The following OPCML variants were observed in gnomAD, a reference collection of about 807,000 sequenced individuals.
OPCML encodes the protein opioid-binding protein/cell adhesion molecule.
OPCML carries 13 observed loss-of-function variants against 37.8 expected under a neutral mutation model. That is an observed-to-expected ratio of 0.34 (90% CI 0.22 to 0.55). OPCML has a LOEUF of 0.55. OPCML is among the 20% of genes least tolerant of loss of function. OPCML has a pLI of 0.91. For synonymous variants in OPCML, 176 were observed against 168.8 expected (o/e 1.04, Z -0.33); for missense variants, 341 against 435.6 (o/e 0.78, Z 1.93).
intron 1 of OPCML, among the ~76,000 whole-genome samples, chr11:133,033,361 C>T (rs964029495): frequency 1.3e-5 from 2 of 152,182 alleles, no homozygotes; most frequent in Admixed American, 1.3e-4. Flanking sequence ...GGGGTGGGGC[C>T]ATATTCAAGA....
chr11:133,479,110 C>G (rs960428513), intron 1 of OPCML, among the ~76,000 whole-genome samples: 4 of 152,218 alleles, frequency 2.6e-5, no homozygotes, highest in Admixed American at 1.3e-4. Flanking sequence ...TCTTGGCCCA[C>G]AGCAAGCGCT....
intron 4 of OPCML, among the ~76,000 whole-genome samples, chr11:132,461,386 G>A (rs1157747398): frequency 6.6e-6 from 1 of 152,084 alleles, no homozygotes; most frequent in Non-Finnish European, 1.5e-5. Context: ...GACTGGGTTC[G>A]AGCAGGTTCT....
At chr11:132,666,121 G>A (rs1232212226) in intron 2 of OPCML, among the ~76,000 whole-genome samples, 2 of 152,170 alleles carry the variant, frequency 1.3e-5, no homozygotes, top group South Asian at 2.1e-4. Context: ...AGCTGAATTA[G>A]GATGGTGTCT....
chr11:132,793,209 C>T (rs1394218015), intron 2 of OPCML, among the ~76,000 whole-genome samples: 2 of 152,112 alleles, frequency 1.3e-5, no homozygotes, highest in Non-Finnish European at 2.9e-5. Flanking sequence ...CTGCCCTTCC[C>T]GGGACCCCCA....
At chr11:133,326,422 C>A (rs1408048756) in intron 1 of OPCML, among the ~76,000 whole-genome samples, 3 of 105,014 alleles carry the variant, frequency 2.9e-5, no homozygotes, top group Non-Finnish European at 5.4e-5. Flanking sequence ...TGTGGATATG[C>A]ATGTGTGTGG....
At chr11:132,494,863 C>T (rs1034985966) in intron 4 of OPCML, among the ~76,000 whole-genome samples, 2 of 152,200 alleles carry the variant, frequency 1.3e-5, no homozygotes, top group African/African-American at 4.8e-5. Context: ...CTTCAAGACT[C>T]TTTGATGGTT....
chr11:133,061,443 G>C (rs1194045299), intron 1 of OPCML, among the ~76,000 whole-genome samples: 1 of 152,204 alleles, frequency 6.6e-6, no homozygotes, highest in African/African-American at 2.4e-5. Context: ...TGCAGGCATG[G>C]GAAGAGCCCT....
At chr11:132,587,197 A>G (rs2096474776) in intron 3 of OPCML, among the ~76,000 whole-genome samples, 1 of 152,224 alleles carries the variant, frequency 6.6e-6, no homozygotes, top group Non-Finnish European at 1.5e-5. Context: ...TAATAGAGGA[A>G]TCTCCACAAA....
chr11:133,141,247 T>A (rs929363685), intron 1 of OPCML, among the ~76,000 whole-genome samples: 4 of 151,928 alleles, frequency 2.6e-5, no homozygotes, highest in African/African-American at 9.7e-5. Context: ...GCATGAGGCC[T>A]CACCCATTTC....
intron 1 of OPCML, among the ~76,000 whole-genome samples, chr11:133,335,330 A>G (rs1943720156): frequency 6.6e-6 from 1 of 152,158 alleles, no homozygotes; most frequent in Non-Finnish European, 1.5e-5. Context: ...CCTAACTCCA[A>G]ATCCAGTTCT....
chr11:132,906,359 T>C (rs549332156), intron 2 of OPCML, among the ~76,000 whole-genome samples: 5 of 152,356 alleles, frequency 3.3e-5, no homozygotes, highest in African/African-American at 9.6e-5. Context: ...TTTTGTTTTA[T>C]CTTTAGGGCC....
intron 2 of OPCML, among the ~76,000 whole-genome samples, chr11:132,786,093 C>T (rs1947201079): frequency 6.6e-6 from 1 of 152,176 alleles, no homozygotes; most frequent in South Asian, 2.1e-4. Flanking sequence ...CCCCGCTTTC[C>T]ACCTCCAGCT....
At chr11:133,123,399 G>A (rs774519960) in intron 1 of OPCML, among the ~76,000 whole-genome samples, 6 of 152,136 alleles carry the variant, frequency 3.9e-5, no homozygotes, top group Non-Finnish European at 7.4e-5. Context: ...ATTTAGATGC[G>A]TATTTGCTGG....
chr11:133,467,372 C>T (rs966546737), intron 1 of OPCML, among the ~76,000 whole-genome samples: 3 of 152,206 alleles, frequency 2.0e-5, no homozygotes, highest in Non-Finnish European at 4.4e-5. Context: ...CCTCTGTCTG[C>T]ATTCTCAGTC....
At chr11:132,475,415 C>T (rs2096151959) in intron 4 of OPCML, among the ~76,000 whole-genome samples, 1 of 152,180 alleles carries the variant, frequency 6.6e-6, no homozygotes, top group South Asian at 2.1e-4. Context: ...CCCATTCTAA[C>T]CTCCAGCATC....
At position 133,229,221 on chromosome 11, in the gene OPCML, A is replaced by G. The variant is rs544166583; in HGVS notation, c.62-286211T>C. On this transcript the variant is annotated intron_variant, in intron 1 of 7. Transcript: ENST00000524381. ...GATGCTCAGCATTCAGTTAAAATACATTTCATGATTGGAGGGCAGCTCTGA... is the reference window on the plus strand; with the variant it reads ...GATGCTCAGCATTCAGTTAAAATACGTTTCATGATTGGAGGGCAGCTCTGA... Among the ~76,000 whole-genome samples, 7 of 152,286 alleles carry G rather than the reference A, an allele frequency of 4.6e-5. No homozygotes were observed. The South Asian group carries it at 1.5e-3, about 32-fold the overall frequency.
Position 133,420,595 on chromosome 11 carries a change from T to C in OPCML, c.61+111669A>G, listed in dbSNP as rs75558410. On this transcript the variant is annotated intron_variant, in intron 1 of 7. Coordinates refer to ENST00000524381, the MANE Select transcript of OPCML (RefSeq NM_001012393.5). ...TCCCTCATTAACACTGAAACATTAT[T>C]ATTTATCACTATCTGTGGTAATGAT... is the stretch of plus-strand genomic sequence containing the variant. 0.018 allele frequency: 17,712 copies of C among 985,056 alleles called. 1,600 individuals are homozygous for C. In the African/African-American group the frequency reaches 0.23, roughly 13 times the overall value. 61.0% of individuals were successfully genotyped at this position (985,056 alleles called of 1,614,324 possible). A position where few individuals can be genotyped will look rare whatever the true frequency, so the allele number is the denominator to read the frequency against.
chr11:133,048,604 T>G, intron 1 of OPCML, among the ~76,000 whole-genome samples: 1 of 152,234 alleles, frequency 6.6e-6, no homozygotes, highest in African/African-American at 2.4e-5. Context: ...TCTGTGCCAC[T>G]TACTTACTTA....
intron 2 of OPCML, among the ~76,000 whole-genome samples, chr11:132,666,484 G>A (rs2135802143): frequency 6.6e-6 from 1 of 152,252 alleles, no homozygotes; most frequent in Middle Eastern, 3.4e-3. Context: ...CAATCTTGGG[G>A]CTCACATTTC....
Sources: allele counts gnomAD v4.1 joint callset (sites outside exome capture counted in the v4.1 genomes callset), GRCh38; gene constraint gnomAD v4.1.1; transcripts MANE v1.5; gene names NCBI Gene and HGNC (gene_info 2026-07-23, HGNC 2026-07-21).